NCAM1: variants seen among roughly 807,000 people sequenced by gnomAD.
NCAM1 encodes the protein antigen recognized by monoclonal antibody 5.1H11.
NCAM1 carries 14 observed loss-of-function variants against 109.8 expected under a neutral mutation model. That is an observed-to-expected ratio of 0.13 (90% CI 0.08 to 0.20). The LOEUF is 0.20. NCAM1 is among the 10% of genes least tolerant of loss of function. The pLI is 1.00. For missense variants in NCAM1, 774 were observed against 1,109.9 expected, an observed-to-expected ratio of 0.70 and a Z score of 4.30; for synonymous variants, 418 against 442.9, an observed-to-expected ratio of 0.94 and a Z score of 0.70.
At chr11:113,166,840 A>G (rs1274671736) in intron 1 of NCAM1, among the ~76,000 whole-genome samples, 1 of 152,250 alleles carries the variant, frequency 6.6e-6, no homozygotes, top group Non-Finnish European at 1.5e-5. Context: ...TACATAGCCA[A>G]GAAAAATGAA....
At chr11:113,082,202 T>A (rs2135686941) in intron 1 of NCAM1, among the ~76,000 whole-genome samples, 1 of 152,348 alleles carries the variant, frequency 6.6e-6, no homozygotes. Context: ...TTATAATTGA[T>A]AACTGAGAAA....
intron 1 of NCAM1, among the ~76,000 whole-genome samples, chr11:113,118,479 G>A (rs1555095348): frequency 1.3e-5 from 2 of 151,960 alleles, no homozygotes; most frequent in African/African-American, 4.9e-5. Flanking sequence ...CTCATTCACA[G>A]CCCTCGGTGC....
At chr11:113,057,424 A>T (rs1015720122) in intron 1 of NCAM1, among the ~76,000 whole-genome samples, 1 of 152,052 alleles carries the variant, frequency 6.6e-6, no homozygotes, top group Non-Finnish European at 1.5e-5. Context: ...GGCTTATCCT[A>T]TAGGCAAAGG....
At chr11:113,183,586 G>T (rs2136617722) in intron 1 of NCAM1, among the ~76,000 whole-genome samples, 1 of 152,260 alleles carries the variant, frequency 6.6e-6, no homozygotes, top group South Asian at 2.1e-4. Context: ...TTCTTGGTGT[G>T]ATTTTTTTTA....
At chr11:113,133,489 C>T (rs1177524451) in intron 1 of NCAM1, 1 of 152,134 alleles carries the variant, frequency 6.6e-6, no homozygotes, top group Admixed American at 6.5e-5. Flanking sequence ...GAAACAGCAC[C>T]AACTTATATA....
intron 1 of NCAM1, among the ~76,000 whole-genome samples, chr11:113,104,224 T>G (rs868939124): frequency 0.17 from 4,959 of 28,994 alleles, 2 homozygotes; most frequent in Middle Eastern, 0.31. Flanking sequence ...GGGGGCGGGG[T>G]GGTGGTGGCG....
At chr11:113,121,902 C>A (rs987105117) in intron 1 of NCAM1, among the ~76,000 whole-genome samples, 1 of 152,178 alleles carries the variant, frequency 6.6e-6, no homozygotes, top group East Asian at 1.9e-4. Flanking sequence ...TAAAGCAGAT[C>A]TTAAATTCTT....
intron 1 of NCAM1, among the ~76,000 whole-genome samples, chr11:112,965,560 T>C (rs1327405809): frequency 6.6e-6 from 1 of 152,218 alleles, no homozygotes; most frequent in Non-Finnish European, 1.5e-5. Context: ...ATGTTTTTGT[T>C]CACTACAGAA....
chr11:113,105,996 T>C (rs1333145966), intron 1 of NCAM1, among the ~76,000 whole-genome samples: 14 of 152,056 alleles, frequency 9.2e-5, no homozygotes, highest in African/African-American at 3.4e-4. Context: ...AACTAATTAG[T>C]TTTTTGTATA....
At chr11:113,132,812 C>T (rs1941450695) in intron 1 of NCAM1, 1 of 152,326 alleles carries the variant, frequency 6.6e-6, no homozygotes, top group South Asian at 2.1e-4. Context: ...TGACCCACCC[C>T]ATAGAGGTCT....
At chr11:113,070,016 T>A (rs774157128) in intron 1 of NCAM1, among the ~76,000 whole-genome samples, 1 of 151,986 alleles carries the variant, frequency 6.6e-6, no homozygotes, top group Non-Finnish European at 1.5e-5. Flanking sequence ...AAGCTCTGGG[T>A]TGGAGATGTG....
At chr11:113,185,950 C>T (rs17115088) in intron 1 of NCAM1, among the ~76,000 whole-genome samples, 3 of 152,180 alleles carry the variant, frequency 2.0e-5, no homozygotes, top group Admixed American at 6.5e-5. Context: ...AACCAGATAA[C>T]CTGCCCCTGG....
At chr11:113,052,256 G>A (rs1407084597) in intron 1 of NCAM1, among the ~76,000 whole-genome samples, 1 of 152,162 alleles carries the variant, frequency 6.6e-6, no homozygotes, top group African/African-American at 2.4e-5. Flanking sequence ...GAGAAAACTT[G>A]AACTTCCTTT....
chr11:113,107,455 T>C (rs553906804), intron 1 of NCAM1, among the ~76,000 whole-genome samples: 1 of 152,302 alleles, frequency 6.6e-6, no homozygotes, highest in South Asian at 2.1e-4. Flanking sequence ...TATTATCCCT[T>C]TTCATGCTGG....
At chr11:113,018,110 T>G (rs1952263979) in intron 1 of NCAM1, among the ~76,000 whole-genome samples, 1 of 152,184 alleles carries the variant, frequency 6.6e-6, no homozygotes, top group South Asian at 2.1e-4. Context: ...CCTGTTGGCC[T>G]ATGACTTAGC....
At chr11:113,144,426 C>T (rs989223965) in intron 1 of NCAM1, among the ~76,000 whole-genome samples, 7 of 152,206 alleles carry the variant, frequency 4.6e-5, no homozygotes, top group South Asian at 4.1e-4. Flanking sequence ...ACTTTATTAA[C>T]GAGAATGCTT....
chr11:113,094,734 A>G (rs12279124), intron 1 of NCAM1, among the ~76,000 whole-genome samples: 11,244 of 152,252 alleles, frequency 0.074, 804 homozygotes, highest in Admixed American at 0.17. Flanking sequence ...CCAGCGGCAG[A>G]TAGGTCAGCA....
chr11:113,170,209 C>A (rs551249805), intron 1 of NCAM1, among the ~76,000 whole-genome samples: 59 of 152,322 alleles, frequency 3.9e-4, no homozygotes, highest in Non-Finnish European at 6.6e-4. Flanking sequence ...ATGTGCCCAG[C>A]ACTCCATGGC....
rs377256178 is a variant in NCAM1, at chr11:113,058,777, C to T, written c.52+97113C>T. Among the ~76,000 whole-genome samples the T allele has an allele frequency of 9.2e-5, 14 of 152,348 alleles. No individual in the cohort carries two copies. In the East Asian group the frequency reaches 2.5e-3, roughly 27 times the overall value. ...CCACCAGCTTAACTGCAACTGCTTT[C>T]ATAGCCGGCTCAGCCTGGGCATGCA... On this transcript the variant is annotated intron_variant, in intron 1 of 19. Transcript: ENST00000316851.
Sources: gnomAD v4.1 joint callset for allele counts (sites outside exome capture counted in the v4.1 genomes callset) on GRCh38, gnomAD v4.1.1 for gene constraint, MANE v1.5 for transcripts, NCBI Gene and HGNC (gene_info 2026-07-23, HGNC 2026-07-21) for gene names.